Variants in PLEKHA6 observed in about 807,000 individuals in gnomAD.
PLEKHA6 encodes the protein pleckstrin homology domain containing A6.
A neutral mutation model predicts 116.7 loss-of-function variants in PLEKHA6; 60 were observed. The observed-to-expected ratio is 0.51, with a 90% CI of 0.42 to 0.64. The LOEUF (loss-of-function observed/expected upper bound fraction) is 0.64. Ranked by LOEUF, PLEKHA6 falls within the 30% of genes least tolerant of loss-of-function variation. The pLI is 0.00. For synonymous variants in PLEKHA6, 489 were observed against 556.1 expected (o/e 0.88, Z 1.70); for missense variants, 1,338 against 1,422.7 (o/e 0.94, Z 0.96).
intron 1 of PLEKHA6, among the ~76,000 whole-genome samples, chr1:204,329,081 C>T (rs1672354937): frequency 6.6e-6 from 1 of 152,132 alleles, no homozygotes; most frequent in Non-Finnish European, 1.5e-5. Flanking sequence ...ATTGTTAGGT[C>T]ACTGATAGTA....
chr1:204,365,859 AAGTAAG>A (rs901341675), intron 3 of PLEKHA6, among the ~76,000 whole-genome samples: 1 of 152,184 alleles, frequency 6.6e-6, no homozygotes, highest in Non-Finnish European at 1.5e-5. Flanking sequence ...CTGTGAAGAA[AAGTAAG>A]AGTAAGAGTG....
At chr1:204,244,750 A>G in intron 15 of PLEKHA6, 114 bp downstream of exon 15, 1 of 747,062 alleles carries the variant, frequency 1.3e-6, no homozygotes, top group Non-Finnish European at 2.0e-6. Flanking sequence ...GAGCTCCAGC[A>G]CTAGGGCTGG....
Position 204,274,911 on chromosome 1 carries a change from T to C in PLEKHA6, c.-94-102A>G, listed in dbSNP as rs186100385. ...GGGTGGTGACAGGGACAGGTGATCA[T>C]GTAAGGAGCTTGTGCCTCTGTCCTC... On this transcript the variant is annotated intron_variant, in intron 1 of 22. Coordinates refer to ENST00000272203, the MANE Select transcript of PLEKHA6 (RefSeq NM_014935.5). 8.0e-5 allele frequency: 78 copies of C among 976,068 alleles called. 1 individual carries two copies. The African/African-American group carries it at 1.2e-3, about 16-fold the overall frequency. 60.5% of individuals were successfully genotyped at this position (976,068 alleles called of 1,614,324 possible).
intron 3 of PLEKHA6, among the ~76,000 whole-genome samples, chr1:204,367,308 C>T (rs892078597): frequency 5.9e-5 from 9 of 152,238 alleles, no homozygotes; most frequent in African/African-American, 2.2e-4. Flanking sequence ...CCACACAAAC[C>T]ACCCCCAGAA....
intron 1 of PLEKHA6, among the ~76,000 whole-genome samples, chr1:204,323,760 C>T (rs1197931189): frequency 2.0e-5 from 3 of 152,182 alleles, no homozygotes; most frequent in Non-Finnish European, 4.4e-5. Context: ...CTATTGAGTG[C>T]ATACTTGTGT....
At chr1:204,360,542 C>T (rs963846174), upstream of PLEKHA6, among the ~76,000 whole-genome samples, 1 of 152,166 alleles carries the variant, frequency 6.6e-6, no homozygotes, top group African/African-American at 2.4e-5. Context: ...GAAGTCTGTG[C>T]TCCTGTTCCT....
At chr1:204,361,032 C>G (rs1031873137), upstream of PLEKHA6, among the ~76,000 whole-genome samples, 2 of 152,186 alleles carry the variant, frequency 1.3e-5, no homozygotes, top group African/African-American at 4.8e-5. Flanking sequence ...ATTCCCACCT[C>G]AACCTCCAGG....
chr1:204,274,286 T>C (rs748572416), intron 2 of PLEKHA6, among the ~76,000 whole-genome samples: 13 of 152,224 alleles, frequency 8.5e-5, no homozygotes, highest in South Asian at 4.1e-4. Context: ...CCTTTCCTTC[T>C]ACTTTAAAAG....
At chr1:204,270,375 G>C (rs1228519830) in intron 3 of PLEKHA6, among the ~76,000 whole-genome samples, 1 of 152,152 alleles carries the variant, frequency 6.6e-6, no homozygotes, top group Non-Finnish European at 1.5e-5. Flanking sequence ...GCCAAGACCT[G>C]TCTTCCAGCT....
In PLEKHA6 at chr1:204,223,620, GT is replaced by G; in HGVS notation, c.3032-36del. ...GAAATGAACAGGGAGGTGAATGGGG[GT>G]GGGTGGGGGAGGAGGGTGGGCACCC... is the stretch of plus-strand genomic sequence containing the variant. On this transcript the variant is annotated intron_variant, in intron 21 of 22. Transcript: ENST00000272203. This position sits in a 1 kb window ranked among gnomAD's most constrained non-coding sequence, Gnocchi z 4.8. The G allele has an allele frequency of 1.6e-6, 1 of 643,606 alleles. No homozygotes were observed. 39.9% of individuals were successfully genotyped at this position (643,606 alleles called of 1,614,324 possible).
intron 1 of PLEKHA6, among the ~76,000 whole-genome samples, chr1:204,322,304 G>T (rs1672091433): frequency 6.6e-6 from 1 of 152,122 alleles, no homozygotes; most frequent in African/African-American, 2.4e-5. Context: ...CAGACTCCTT[G>T]TTTAAGGGGA....
chr1:204,241,400 C>T lies in PLEKHA6; in HGVS notation c.2384G>A (p.Gly795Glu), dbSNP rs998089489. The change falls in exon 17 of 23, where the codon GGG becomes GAG. Residue 795 changes from glycine (G) to glutamate (E), a missense_variant. By Grantham distance (98) the Gly-to-Glu change is moderately conservative. Around this residue, in one of 3 missense-constraint regions of PLEKHA6, gnomAD observed 1,136 missense variants for 1,163.6 expected, o/e 0.98. Transcript: ENST00000272203. Reference sequence around the variant, plus strand: ...CTGGGAGGAGAGTCCATTGGTGAGCCCACTGGCATTCCTTCTTACCACTGC... The same window carrying T: ...CTGGGAGGAGAGTCCATTGGTGAGCTCACTGGCATTCCTTCTTACCACTGC... ...PSAVVRRNAS[G>E]LTNGLSSQER... is the part of the protein sequence containing the mutation. 1.5e-5 allele frequency: 24 copies of T among 1,611,038 alleles called. No homozygotes were observed. The highest frequency in any genetic ancestry group is 1.6e-4 in the Middle Eastern group (1 of 6,074).
At chr1:204,260,454 A>C (rs1665959554) in intron 7 of PLEKHA6, among the ~76,000 whole-genome samples, 1 of 152,220 alleles carries the variant, frequency 6.6e-6, no homozygotes, top group Non-Finnish European at 1.5e-5. Context: ...CTGTGTTCCT[A>C]GCACCCACTA....
Position 204,257,744 on chromosome 1 carries a change from G to A in PLEKHA6, c.1133C>T (p.Pro378Leu), listed in dbSNP as rs754872740. ...GVRPESICSM[P>L]AYDRISPPWA... ...GGGCGGGCTGATCCGATCATAGGCC[G>A]GCATGGAACAGATGCTCTCCGGCCG... The change falls in exon 9 of 23, where the codon CCG becomes CTG. Residue 378 changes from proline to leucine, a missense_variant. By Grantham distance (98) the Pro-to-Leu change is moderately conservative. Transcript: ENST00000272203. This position sits in a 1 kb window ranked among gnomAD's most constrained non-coding sequence, Gnocchi z 6.5. 8 of 1,613,458 alleles carry A rather than the reference G, an allele frequency of 5.0e-6. No homozygotes were observed. The highest frequency in any genetic ancestry group is 1.1e-5 in the South Asian group (1 of 90,936).
chr1:204,356,638 T>C (rs1466526993), intron 1 of PLEKHA6, among the ~76,000 whole-genome samples: 2 of 151,952 alleles, frequency 1.3e-5, no homozygotes, highest in African/African-American at 4.8e-5. Flanking sequence ...AAAAATGCTT[T>C]CTGTTTAAGT....
chr1:204,290,761 G>C lies in PLEKHA6; in HGVS notation c.-94-15952C>G, dbSNP rs545944223. On this transcript the variant is annotated intron_variant, in intron 1 of 22. Coordinates refer to ENST00000272203, the MANE Select transcript of PLEKHA6 (RefSeq NM_014935.5). ...TCCCAGCACTTTCGGGTGCCAAGGT[G>C]GGGAGATCACTTGAGGTCAGGAGTT... 2.6e-5 allele frequency among the ~76,000 whole-genome samples: 4 copies of C among 152,240 alleles called. No individual in the cohort carries two copies. In the South Asian group the frequency reaches 6.2e-4, roughly 24 times the overall value.
intron 1 of PLEKHA6, among the ~76,000 whole-genome samples, chr1:204,283,094 G>A (rs904194877): frequency 6.6e-5 from 10 of 152,312 alleles, no homozygotes; most frequent in South Asian, 2.1e-4. Flanking sequence ...GCTGTCCGCC[G>A]CCGGGTCTAT....
chr1:204,368,643 G>A (rs1369237419), intron 2 of PLEKHA6: 2 of 152,832 alleles, frequency 1.3e-5, no homozygotes, highest in Non-Finnish European at 2.9e-5. Context: ...CAGCCACCCT[G>A]GGCAGCATCC....
chr1:204,229,231 T>C (rs1048198223), intron 18 of PLEKHA6, 127 bp from the exon 19 acceptor site: 5 of 850,478 alleles, frequency 5.9e-6, no homozygotes, highest in African/African-American at 1.7e-5. Flanking sequence ...GCTCCCACCA[T>C]ACCCCACTGC....
Sources: allele counts gnomAD v4.1 joint callset (sites outside exome capture counted in the v4.1 genomes callset), GRCh38; gene constraint gnomAD v4.1.1; regional missense constraint gnomAD v4.1.1; non-coding constraint Gnocchi (gnomAD v3.1); transcripts MANE v1.5; gene names NCBI Gene and HGNC (gene_info 2026-07-23, HGNC 2026-07-21).